The following CSMD3 variants were observed in gnomAD, a reference collection of about 807,000 sequenced individuals.
CSMD3 encodes the protein CUB and Sushi multiple domains 3.
A neutral mutation model predicts 435.2 loss-of-function variants in CSMD3; 177 were observed. The observed-to-expected ratio is 0.41, with a 90% CI of 0.36 to 0.46. CSMD3 has a LOEUF of 0.46. Among genes scored for constraint, CSMD3 ranks in the 20% least tolerant of loss-of-function variants. CSMD3 has a pLI of 0.34. For synonymous variants in CSMD3, 1,656 were observed against 1,520.5 expected, an observed-to-expected ratio of 1.09 and a Z score of -2.07; for missense variants, 4,265 against 4,504.6, an observed-to-expected ratio of 0.95 and a Z score of 1.52.
intron 10 of CSMD3, among the ~76,000 whole-genome samples, chr8:112,861,049 T>A (rs889449735): frequency 1.3e-5 from 2 of 152,028 alleles, no homozygotes; most frequent in African/African-American, 4.8e-5. Context: ...AAATATTTCT[T>A]GAATAGACTA....
At chr8:113,121,718 T>TA (rs2090991634) in intron 4 of CSMD3, among the ~76,000 whole-genome samples, 1 of 152,136 alleles carries the variant, frequency 6.6e-6, no homozygotes, top group Admixed American at 6.6e-5. Flanking sequence ...ATCACACAGT[T>TA]AGACAGCATT....
intron 10 of CSMD3, among the ~76,000 whole-genome samples, chr8:112,895,755 C>T (rs550730878): frequency 6.6e-6 from 1 of 151,434 alleles, no homozygotes; most frequent in African/African-American, 2.4e-5. Context: ...GGTGAGACAT[C>T]CTAGAGACAA....
intron 6 of CSMD3, among the ~76,000 whole-genome samples, chr8:112,985,144 G>C (rs563068594): frequency 6.6e-6 from 1 of 152,100 alleles, no homozygotes; most frequent in Admixed American, 6.6e-5. Context: ...GGAAAACACA[G>C]CTGTGGAACC....
chr8:113,087,082 C>CA (rs1266570446), intron 5 of CSMD3, among the ~76,000 whole-genome samples: 1 of 152,030 alleles, frequency 6.6e-6, no homozygotes, highest in Non-Finnish European at 1.5e-5. Flanking sequence ...TTTTAAGAGT[C>CA]ATTTTCCACT....
chr8:113,331,385 A>G (rs2094026609), intron 1 of CSMD3, among the ~76,000 whole-genome samples: 1 of 151,760 alleles, frequency 6.6e-6, no homozygotes, highest in Non-Finnish European at 1.5e-5. Context: ...CCAACTTTTC[A>G]CAAACTCTTT....
chr8:113,186,948 C>T (rs2092512330), intron 3 of CSMD3, among the ~76,000 whole-genome samples: 1 of 151,904 alleles, frequency 6.6e-6, no homozygotes, highest in Non-Finnish European at 1.5e-5. Flanking sequence ...CTACTCTACA[C>T]CATGCATGCT....
chr8:113,111,075 G>C (rs148301975), intron 4 of CSMD3, among the ~76,000 whole-genome samples: 243 of 152,218 alleles, frequency 1.6e-3, no homozygotes, highest in African/African-American at 5.7e-3. Flanking sequence ...TCATCACTAT[G>C]GAGAGAGGAT....
chr8:112,930,146 A>G lies in CSMD3; in HGVS notation c.1509-8395T>C, dbSNP rs2083059466. Among the ~76,000 whole-genome samples, 5 of 152,254 alleles carry G rather than the reference A, an allele frequency of 3.3e-5. No individual in the cohort carries two copies. The South Asian group carries it at 8.3e-4, about 25-fold the overall frequency. On this transcript the variant is annotated intron_variant, in intron 9 of 70. Transcript: ENST00000297405. The stretch of plus-strand genomic sequence containing the variant: ...CACAACATGCTATTTTGAAGTTCAC[A>G]TGTAGGCATATTCATACAATACGCC...
At chr8:112,499,559 T>C (rs1316995713) in intron 30 of CSMD3, among the ~76,000 whole-genome samples, 3 of 151,948 alleles carry the variant, frequency 2.0e-5, no homozygotes, top group African/African-American at 4.8e-5. Context: ...ACAAATCCTA[T>C]GACAAGCCAA....
chr8:113,030,022 A>AT (rs1401253237), intron 5 of CSMD3, among the ~76,000 whole-genome samples: 1 of 151,524 alleles, frequency 6.6e-6, no homozygotes, highest in African/African-American at 2.4e-5. Flanking sequence ...AACCCCTTTT[A>AT]TAATAGCTGC....
At chr8:112,273,497 G>C (rs550638827) in intron 59 of CSMD3, among the ~76,000 whole-genome samples, 2 of 151,896 alleles carry the variant, frequency 1.3e-5, no homozygotes, top group Non-Finnish European at 2.9e-5. Context: ...AGGCCGAGGC[G>C]GGTGGATCAC....
At chr8:112,503,690 C>T in intron 30 of CSMD3, 100 bp downstream of exon 30, 1 of 782,342 alleles carries the variant, frequency 1.3e-6, no homozygotes, top group South Asian at 1.8e-5. Flanking sequence ...TAAAAATACA[C>T]ATAAAACTAA....
chr8:113,239,526 C>CTATCTATCTA (rs1228959192), intron 3 of CSMD3, among the ~76,000 whole-genome samples: 58 of 151,778 alleles, frequency 3.8e-4, no homozygotes, highest in African/African-American at 1.4e-3. Context: ...ATCTATCTAT[C>CTATCTATCTA]TATCTATCAT....
chr8:112,807,987 T>TG (rs1288692987), intron 12 of CSMD3, among the ~76,000 whole-genome samples: 1 of 152,120 alleles, frequency 6.6e-6, no homozygotes, highest in Non-Finnish European at 1.5e-5. Context: ...CTAAGTAAAA[T>TG]GGGGACTTTA....
intron 32 of CSMD3, among the ~76,000 whole-genome samples, chr8:112,462,089 A>T (rs1197869223): frequency 1.3e-5 from 2 of 152,218 alleles, no homozygotes; most frequent in African/African-American, 2.4e-5. Context: ...AAACGACTGC[A>T]ATCCAGACCT....
At chr8:112,874,678 T>A (rs1363664245) in intron 10 of CSMD3, among the ~76,000 whole-genome samples, 1 of 152,200 alleles carries the variant, frequency 6.6e-6, no homozygotes. Flanking sequence ...TCTTTTTTGA[T>A]CTTTGTTGGT....
chr8:113,317,440 C>T (rs923446696), intron 1 of CSMD3, among the ~76,000 whole-genome samples: 2 of 152,166 alleles, frequency 1.3e-5, no homozygotes, highest in Admixed American at 6.5e-5. Flanking sequence ...ACATGCTCAG[C>T]TTTGTCCACT....
At chr8:112,416,350 T>C (rs1811912098) in intron 32 of CSMD3, among the ~76,000 whole-genome samples, 1 of 152,184 alleles carries the variant, frequency 6.6e-6, no homozygotes. Context: ...CTTTCTACCA[T>C]GATTGTAAGT....
At position 112,689,694 on chromosome 8, in the gene CSMD3, C is replaced by G. The variant is rs60736828; in HGVS notation, c.2155+174G>C. 2.5e-3 allele frequency among the ~76,000 whole-genome samples: 386 copies of G among 152,112 alleles called. 3 individuals are homozygous for G. The highest frequency in any genetic ancestry group is 8.8e-3 in the African/African-American group (365 of 41,532). On this transcript the variant is annotated intron_variant, in intron 14 of 70. Transcript: ENST00000297405. ...TGAACTATGTTAACTTTATTTAAATCTGTAATAAAATTTATAATTTGGCAT... is the reference window on the plus strand; with the variant it reads ...TGAACTATGTTAACTTTATTTAAATGTGTAATAAAATTTATAATTTGGCAT...
Sources: allele counts gnomAD v4.1 joint callset (sites outside exome capture counted in the v4.1 genomes callset), GRCh38; gene constraint gnomAD v4.1.1; transcripts MANE v1.5; gene names NCBI Gene and HGNC (gene_info 2026-07-23, HGNC 2026-07-21).